The following DGKB variants were observed in gnomAD, a reference collection of about 807,000 sequenced individuals.
DGKB encodes 90 kDa diacylglycerol kinase.
DGKB carries 67 observed loss-of-function variants against 114.3 expected under a neutral mutation model. That is an observed-to-expected ratio of 0.59 (90% CI 0.48 to 0.72). DGKB has a LOEUF of 0.72. Among genes scored for constraint, DGKB ranks in the 30% least tolerant of loss-of-function variants. The pLI, the probability that DGKB is intolerant of heterozygous loss-of-function variation, is 0.00. For missense variants in DGKB, 907 were observed against 975.2 expected, an observed-to-expected ratio of 0.93 and a Z score of 0.93; for synonymous variants, 398 against 323.1, an observed-to-expected ratio of 1.23 and a Z score of -2.49.
intron 2 of DGKB, among the ~76,000 whole-genome samples, chr7:14,781,232 C>T (rs963719777): frequency 6.6e-6 from 1 of 152,296 alleles, no homozygotes; most frequent in African/African-American, 2.4e-5. Flanking sequence ...GGGCAATATA[C>T]TGGTATAAAG....
intron 23 of DGKB, among the ~76,000 whole-genome samples, chr7:14,320,252 T>C (rs1035448074): frequency 1.3e-5 from 2 of 152,172 alleles, no homozygotes; most frequent in Non-Finnish European, 2.9e-5. Context: ...TTCTATCTAC[T>C]TCTATCTTAC....
rs150149572 is a variant in DGKB, at chr7:14,842,719, G to T, written c.-187-1269C>A. Among the ~76,000 whole-genome samples the T allele has an allele frequency of 7.6e-3, 1,138 of 150,476 alleles. 9 individuals are homozygous for T. The highest frequency in any genetic ancestry group is 0.012 in the Non-Finnish European group (802 of 67,824). ...TGTGTTCTGTCCTCCTCTAACCAAA[G>T]GGAGACAGATGATTCTGTCACATTG... is the stretch of plus-strand genomic sequence containing the variant. On this transcript the variant is annotated intron_variant, in intron 1 of 25. Transcript: ENST00000402815.
intron 21 of DGKB, among the ~76,000 whole-genome samples, chr7:14,389,410 CA>C (rs1467217521): frequency 6.6e-6 from 1 of 152,128 alleles, no homozygotes; most frequent in African/African-American, 2.4e-5. Context: ...TGAGAGCTTT[CA>C]AAAGAAGAGT....
chr7:14,684,918 A>C (rs1354335742), intron 10 of DGKB, among the ~76,000 whole-genome samples: 1 of 152,146 alleles, frequency 6.6e-6, no homozygotes, highest in African/African-American at 2.4e-5. Context: ...ATGAATATGA[A>C]TAAGATGTAA....
intron 20 of DGKB, among the ~76,000 whole-genome samples, chr7:14,491,467 A>G (rs1784589829): frequency 6.6e-6 from 1 of 152,130 alleles, no homozygotes; most frequent in African/African-American, 2.4e-5. Context: ...CAGCATGGAA[A>G]TGGACTAATA....
At chr7:14,959,048 A>G (rs533198938) in intron 1 of DGKB, among the ~76,000 whole-genome samples, 1 of 152,156 alleles carries the variant, frequency 6.6e-6, no homozygotes, top group Non-Finnish European at 1.5e-5. Context: ...GTTTTATATG[A>G]TATTTTGTTT....
chr7:14,723,191 G>A (rs549175801), intron 5 of DGKB, among the ~76,000 whole-genome samples: 1 of 152,196 alleles, frequency 6.6e-6, no homozygotes, highest in African/African-American at 2.4e-5. Flanking sequence ...CAACCAAAAA[G>A]TTGCAAGCCT....
chr7:14,170,258 G>T (rs529702410), intron 25 of DGKB, among the ~76,000 whole-genome samples: 1 of 152,064 alleles, frequency 6.6e-6, no homozygotes, highest in Non-Finnish European at 1.5e-5. Context: ...TCATAATTAA[G>T]AGATTAAAAC....
At chr7:14,708,950 C>A (rs959078993) in intron 6 of DGKB, among the ~76,000 whole-genome samples, 7 of 151,252 alleles carry the variant, frequency 4.6e-5, no homozygotes, top group Non-Finnish European at 7.4e-5. Flanking sequence ...GCAACAAAAG[C>A]CAAAATTGAC....
In DGKB at chr7:14,536,463, C is replaced by G. The variant is rs575408527; in HGVS notation, c.1770+37749G>C. Among the ~76,000 whole-genome samples the G allele has an allele frequency of 2.6e-5, 4 of 152,218 alleles. No homozygotes were observed. The South Asian group carries it at 8.3e-4, about 32-fold the overall frequency. On this transcript the variant is annotated intron_variant, in intron 20 of 25. Transcript: ENST00000402815. ...ACAGCATATTAAAACAATTTTGTAC[C>G]ATGACCAAGTGATATTTATCTCTGG...
At chr7:14,487,844 C>T (rs1043353282) in intron 20 of DGKB, among the ~76,000 whole-genome samples, 1 of 151,806 alleles carries the variant, frequency 6.6e-6, no homozygotes, top group Non-Finnish European at 1.5e-5. Flanking sequence ...AACTCCTGGC[C>T]TCAAGTGATT....
At chr7:14,605,284 T>C (rs758405682) in intron 17 of DGKB, among the ~76,000 whole-genome samples, 1 of 151,274 alleles carries the variant, frequency 6.6e-6, no homozygotes, top group African/African-American at 2.4e-5. Context: ...AGAAAGCAAG[T>C]TGCAAGATAA....
chr7:14,285,507 A>G (rs774108266), intron 23 of DGKB, among the ~76,000 whole-genome samples: 33 of 152,204 alleles, frequency 2.2e-4, no homozygotes, highest in Admixed American at 1.3e-4. Flanking sequence ...AATTAAATAT[A>G]CACTGATTTA....
At chr7:14,728,704 T>G (rs1259123774) in intron 5 of DGKB, among the ~76,000 whole-genome samples, 1 of 676 alleles carries the variant, frequency 1.5e-3, no homozygotes, top group East Asian at 0.029. Context: ...CCAGCCTCCT[T>G]TTTTTTTTTT....
chr7:14,736,013 T>G (rs1398483179), intron 5 of DGKB, 28 bp downstream of exon 5: 1 of 1,429,228 alleles, frequency 7.0e-7, no homozygotes, highest in South Asian at 1.4e-5. Flanking sequence ...ATTTGTACTA[T>G]ATAAATGTTT....
intron 9 of DGKB, among the ~76,000 whole-genome samples, chr7:14,689,730 G>C (rs17605513): frequency 0.029 from 4,370 of 152,202 alleles, 91 homozygotes; most frequent in South Asian, 0.05. Flanking sequence ...TTTCTACATT[G>C]AGCAAAGTAT....
intron 20 of DGKB, among the ~76,000 whole-genome samples, chr7:14,513,773 G>A (rs1049338209): frequency 6.6e-6 from 1 of 152,038 alleles, no homozygotes; most frequent in East Asian, 1.9e-4. Context: ...ATAATGTTTA[G>A]TTAAAGCAGA....
chr7:14,574,575 A>G (rs1239051124), intron 19 of DGKB, among the ~76,000 whole-genome samples: 1 of 152,222 alleles, frequency 6.6e-6, no homozygotes, highest in Non-Finnish European at 1.5e-5. Flanking sequence ...GGTAACATGT[A>G]CTGTATTTCT....
chr7:14,674,222 T>C (rs926612149), intron 12 of DGKB, among the ~76,000 whole-genome samples: 2 of 152,090 alleles, frequency 1.3e-5, no homozygotes, highest in Non-Finnish European at 2.9e-5. Context: ...TGTTCATCCA[T>C]AATTAGCAGC....
Sources: gnomAD v4.1 joint callset for allele counts (sites outside exome capture counted in the v4.1 genomes callset) on GRCh38, gnomAD v4.1.1 for gene constraint, MANE v1.5 for transcripts, NCBI Gene and HGNC (gene_info 2026-07-23, HGNC 2026-07-21) for gene names.